The following ARHGEF26 variants were observed in gnomAD, a reference collection of about 807,000 sequenced individuals.
The protein encoded by ARHGEF26 is Rho guanine nucleotide exchange factor 26.
In ARHGEF26, 59 loss-of-function variants were observed where a neutral mutation model predicts 89.4. The ratio of observed to expected loss-of-function variants is 0.66; its 90% CI spans 0.54 to 0.82. The LOEUF (loss-of-function observed/expected upper bound fraction) is 0.82. Among genes scored for constraint, ARHGEF26 ranks in the 40% least tolerant of loss-of-function variants. The pLI is 0.00. For synonymous variants in ARHGEF26, 500 were observed against 428.4 expected (o/e 1.17, Z -2.06); for missense variants, 1,234 against 1,085.6 (o/e 1.14, Z -1.92).
chr3:154,171,465 A>G (rs564522105), intron 6 of ARHGEF26, among the ~76,000 whole-genome samples: 1 of 152,316 alleles, frequency 6.6e-6, no homozygotes, highest in South Asian at 2.1e-4. Flanking sequence ...GTTCATCATT[A>G]TTAGTATCAT....
rs557681137 is a variant in ARHGEF26, at chr3:154,217,864, C to G, written c.1846-5C>G. On this transcript the variant is annotated splice_region_variant and splice_polypyrimidine_tract_variant and intron_variant, in intron 9 of 14. Coordinates refer to ENST00000465093, the MANE Select transcript of ARHGEF26 (RefSeq NM_015595.4). ...TTAACCCTCGTTACTCTTCTGTGTTCCCAGTTGGTTCGACTATGCAATGAG... is the reference window on the plus strand; with the variant it reads ...TTAACCCTCGTTACTCTTCTGTGTTGCCAGTTGGTTCGACTATGCAATGAG... 4 of 1,589,950 alleles carry G rather than the reference C, an allele frequency of 2.5e-6. No individual in the cohort carries two copies. The South Asian group carries it at 4.6e-5, about 18-fold the overall frequency.
intron 10 of ARHGEF26, among the ~76,000 whole-genome samples, chr3:154,223,999 G>T (rs577438172): frequency 2.9e-4 from 44 of 151,934 alleles, no homozygotes; most frequent in African/African-American, 1.0e-3. Context: ...AAATGTCTGT[G>T]CTCCATAGGC....
At chr3:154,205,757 A>G (rs1359545343) in intron 9 of ARHGEF26, among the ~76,000 whole-genome samples, 2 of 152,192 alleles carry the variant, frequency 1.3e-5, no homozygotes, top group African/African-American at 4.8e-5. Flanking sequence ...GCAAACAGAA[A>G]ACTAATAAGA....
intron 5 of ARHGEF26, 148 bp downstream of exon 5, chr3:154,149,593 A>G: frequency 1.5e-6 from 1 of 662,488 alleles, no homozygotes; most frequent in South Asian, 4.7e-5. Flanking sequence ...GATCATTTTA[A>G]TGTAAAGCTA....
rs365119 is a variant in ARHGEF26 at position 154,198,713 on chromosome 3, A to C, written c.1845+3995A>C. Among the ~76,000 whole-genome samples the C allele has an allele frequency of 2.6e-5, 4 of 151,962 alleles. No homozygotes were observed. In the East Asian group the frequency reaches 7.7e-4, roughly 29 times the overall value. ...AGGCATAAGAATGATATTATGGACT[A>C]TGGGGACTTGGGGAGAAGGGGGAAA... On this transcript the variant is annotated intron_variant, in intron 9 of 14. Transcript: ENST00000465093.
chr3:154,174,186 G>T (rs1380858996), intron 6 of ARHGEF26, among the ~76,000 whole-genome samples: 2 of 152,204 alleles, frequency 1.3e-5, no homozygotes, highest in East Asian at 3.9e-4. Context: ...CATAAACTGG[G>T]CTGTGAGTAC....
intron 9 of ARHGEF26, among the ~76,000 whole-genome samples, chr3:154,206,520 C>G (rs781120696): frequency 6.6e-6 from 1 of 152,022 alleles, no homozygotes; most frequent in Non-Finnish European, 1.5e-5. Flanking sequence ...ATAATTAACA[C>G]AAAAAGAATA....
rs1325874696 is a variant in ARHGEF26, at chr3:154,129,618, A to G, written c.1168A>G (p.Ile390Val). The G allele has an allele frequency of 3.7e-6, 6 of 1,611,890 alleles. No homozygotes were observed. Among genetic ancestry groups the G allele is most frequent in the Non-Finnish European group, 5.1e-6 (6 of 1,178,954 alleles). Reference sequence around the variant, plus strand: ...AAACTACAAGGAAAAGGCCCTTGACATTGATTCTGATGAAGAGTCAGAGCC... The same window carrying G: ...AAACTACAAGGAAAAGGCCCTTGACGTTGATTCTGATGAAGAGTCAGAGCC... ...YQNYKEKALD[I>V]DSDEESEPKE... The change falls in exon 4 of 15, where the codon ATT becomes GTT. Residue 390 changes from isoleucine (I) to valine (V), a missense_variant. Coordinates refer to ENST00000465093, the MANE Select transcript of ARHGEF26 (RefSeq NM_015595.4).
chr3:154,246,882 C>T (rs554830514), intron 12 of ARHGEF26, among the ~76,000 whole-genome samples: 61 of 152,256 alleles, frequency 4.0e-4, no homozygotes, highest in African/African-American at 1.4e-3. Flanking sequence ...GAGCTGCTGG[C>T]GTGAGCTGCT....
chr3:154,148,653 A>G (rs763311378), intron 4 of ARHGEF26, among the ~76,000 whole-genome samples: 13 of 152,208 alleles, frequency 8.5e-5, no homozygotes, highest in Non-Finnish European at 1.8e-4. Flanking sequence ...GATTGTGGGC[A>G]TGGCACCTGT....
intron 8 of ARHGEF26, among the ~76,000 whole-genome samples, chr3:154,193,891 ATGGTG>A (rs1228617950): frequency 3.3e-5 from 5 of 151,256 alleles, no homozygotes; most frequent in Non-Finnish European, 2.9e-5. Flanking sequence ...CAGGAGTGCA[ATGGTG>A]CGATCTCGGC....
intron 10 of ARHGEF26, among the ~76,000 whole-genome samples, 196 bp downstream of exon 10, chr3:154,218,154 A>T (rs190714222): frequency 3.5e-4 from 53 of 152,290 alleles, no homozygotes; most frequent in African/African-American, 1.3e-3. Context: ...CAGGCCCTGA[A>T]GCCAGGCATT....
At position 154,170,832 on chromosome 3, in the gene ARHGEF26, A is replaced by G. The variant is rs528597557; in HGVS notation, c.1488-16853A>G. On this transcript the variant is annotated intron_variant, in intron 6 of 14. Coordinates refer to ENST00000465093, the MANE Select transcript of ARHGEF26 (RefSeq NM_015595.4). ...TAGCTGCCCCTTTCATTCTCAAAAG[A>G]TATCCCAATTTGGAGGATAAATTGT... Among the ~76,000 whole-genome samples the G allele has an allele frequency of 1.7e-4, 26 of 152,352 alleles. No homozygotes were observed. In the East Asian group the frequency reaches 3.1e-3, roughly 18 times the overall value.
At chr3:154,148,633 C>A (rs145175879) in intron 4 of ARHGEF26, among the ~76,000 whole-genome samples, 4 of 152,294 alleles carry the variant, frequency 2.6e-5, no homozygotes, top group African/African-American at 9.6e-5. Flanking sequence ...CTGGTGACCT[C>A]ACCTGCAGAG....
At chr3:154,168,311 T>C (rs1215395307) in intron 6 of ARHGEF26, among the ~76,000 whole-genome samples, 2 of 152,114 alleles carry the variant, frequency 1.3e-5, no homozygotes, top group Non-Finnish European at 2.9e-5. Flanking sequence ...ACACGTTGGC[T>C]CACGTCTATA....
At chr3:154,126,369 T>C (rs188937520) in intron 3 of ARHGEF26, among the ~76,000 whole-genome samples, 7 of 152,290 alleles carry the variant, frequency 4.6e-5, no homozygotes, top group Non-Finnish European at 7.3e-5. Flanking sequence ...TCTCCTACTT[T>C]CTGGTTGTGA....
At chr3:154,149,474 A>C (rs183084124) in intron 5 of ARHGEF26, 29 bp downstream of exon 5, 1 of 1,587,052 alleles carries the variant, frequency 6.3e-7, no homozygotes, top group Non-Finnish European at 8.6e-7. Context: ...GCTGCTTTAG[A>C]GCTCTGGAGT....
At chr3:154,242,504 T>C (rs890346719) in intron 12 of ARHGEF26, among the ~76,000 whole-genome samples, 1 of 152,148 alleles carries the variant, frequency 6.6e-6, no homozygotes, top group African/African-American at 2.4e-5. Flanking sequence ...ATAATAAAAC[T>C]TGAACAAATG....
intron 4 of ARHGEF26, among the ~76,000 whole-genome samples, chr3:154,136,597 T>C (rs190663800): frequency 1.3e-4 from 20 of 152,348 alleles, no homozygotes; most frequent in African/African-American, 4.1e-4. Context: ...ATTTACTCTG[T>C]GCTTATTGTG....
Sources: gnomAD v4.1 joint callset for allele counts (sites outside exome capture counted in the v4.1 genomes callset) on GRCh38, gnomAD v4.1.1 for gene constraint, MANE v1.5 for transcripts, NCBI Gene and HGNC (gene_info 2026-07-23, HGNC 2026-07-21) for gene names.